NEK1: variants seen among roughly 807,000 people sequenced by gnomAD.
The protein encoded by NEK1 is serine/threonine-protein kinase Nek1.
Under a neutral mutation model 182.1 loss-of-function variants are expected in NEK1, and 137 were observed. The ratio of observed to expected loss-of-function variants is 0.75; its 90% CI spans 0.65 to 0.87. The LOEUF is 0.87. Among genes scored for constraint, NEK1 ranks in the 40% least tolerant of loss-of-function variants. The pLI is 0.00. For synonymous variants in NEK1, 513 were observed against 492.2 expected, an observed-to-expected ratio of 1.04 and a Z score of -0.56; for missense variants, 1,391 against 1,494.4, an observed-to-expected ratio of 0.93 and a Z score of 1.14.
intron 23 of NEK1, among the ~76,000 whole-genome samples, chr4:169,482,437 T>A (rs1343217686): frequency 6.6e-6 from 1 of 151,884 alleles, no homozygotes; most frequent in East Asian, 1.9e-4. Flanking sequence ...GGACTATAGG[T>A]GTGTGCCACC....
At position 169,463,386 on chromosome 4, in the gene NEK1, A is replaced by C; in HGVS notation, c.2444T>G (p.Val815Gly). The change falls in exon 27 of 36, where the codon GTG becomes GGG. Residue 815 changes from valine (V) to glycine (G), a missense_variant. Around this residue, in one of 5 missense-constraint regions of NEK1, gnomAD observed 1,216 missense variants for 1,277.6 expected, o/e 0.95. Coordinates refer to ENST00000507142, the MANE Select transcript of NEK1 (RefSeq NM_001199397.3). ...TSFSTTERHTVGEVIKLGPNG... is the reference protein window; with the variant it reads ...TSFSTTERHTGGEVIKLGPNG... Reference sequence around the variant, plus strand: ...AGGACCTAATTTAATAACTTCTCCCACTGTATGTCCTATAAGAAAAATATA... The same window carrying C: ...AGGACCTAATTTAATAACTTCTCCCCCTGTATGTCCTATAAGAAAAATATA... 1 of 1,601,910 alleles carries C rather than the reference A, an allele frequency of 6.2e-7. No individual in the cohort carries two copies. The highest frequency in any genetic ancestry group is 8.5e-7 in the Non-Finnish European group (1 of 1,172,886).
intron 29 of NEK1, among the ~76,000 whole-genome samples, chr4:169,431,794 A>G (rs1342440053): frequency 6.6e-6 from 1 of 151,906 alleles, no homozygotes; most frequent in Non-Finnish European, 1.5e-5. Context: ...AAGAAAAAAA[A>G]TACTAGAAAA....
intron 18 of NEK1, among the ~76,000 whole-genome samples, chr4:169,544,419 T>G (rs1250196958): frequency 1.3e-5 from 2 of 152,156 alleles, no homozygotes; most frequent in African/African-American, 4.8e-5. Context: ...GATATTGGTC[T>G]AAAATTCTCT....
chr4:169,515,089 GGTTT>G (rs1754923041), intron 19 of NEK1, among the ~76,000 whole-genome samples: 1 of 151,852 alleles, frequency 6.6e-6, no homozygotes. Flanking sequence ...TTTGACCCAT[GGTTT>G]ATTTAAAAGT....
At chr4:169,464,398 G>A (rs1415853070) in intron 26 of NEK1, among the ~76,000 whole-genome samples, 1 of 152,152 alleles carries the variant, frequency 6.6e-6, no homozygotes, top group African/African-American at 2.4e-5. Context: ...ATCAGAAAGG[G>A]ATCTGAAGGG....
At chr4:169,402,124 C>T (rs548082123) in intron 32 of NEK1, among the ~76,000 whole-genome samples, 1 of 152,240 alleles carries the variant, frequency 6.6e-6, no homozygotes, top group Non-Finnish European at 1.5e-5. Flanking sequence ...TTAAAATGAT[C>T]CCAACTTGCC....
chr4:169,424,580 A>C lies in NEK1; in HGVS notation c.3195T>G (p.Thr1065=), dbSNP rs1736042106. 1 of 1,608,936 alleles carries C rather than the reference A, an allele frequency of 6.2e-7. No homozygotes were observed. The highest frequency in any genetic ancestry group is 1.7e-5 in the Admixed American group (1 of 59,882). The change falls in exon 31 of 36, where the codon ACT becomes ACG. Residue 1065 remains threonine, a synonymous_variant. Transcript: ENST00000507142. ...TTGGGTTGTTTGCATCAAACAGACC[A>C]GTTGAAAGTCCAATCAGCAAGGAAT... The part of the protein sequence containing the change: ...NKNSLLIGLS[T]GLFDANNPKM...
chr4:169,436,520 T>C (rs1257917252), intron 28 of NEK1, among the ~76,000 whole-genome samples: 1 of 152,206 alleles, frequency 6.6e-6, no homozygotes, highest in Non-Finnish European at 1.5e-5. Flanking sequence ...TAAGGAATTA[T>C]CAAAGCAGAA....
chr4:169,447,251 A>C (rs1392976898), intron 27 of NEK1, among the ~76,000 whole-genome samples: 2 of 152,156 alleles, frequency 1.3e-5, no homozygotes, highest in Non-Finnish European at 2.9e-5. Context: ...GGAGAGAGTG[A>C]CAGGACATAT....
chr4:169,462,341 T>C (rs1744122772), intron 27 of NEK1, among the ~76,000 whole-genome samples: 1 of 152,158 alleles, frequency 6.6e-6, no homozygotes, highest in African/African-American at 2.4e-5. Context: ...TATATGAGAA[T>C]GTGAACAAAT....
At chr4:169,608,116 T>TACACAC (rs57287742) in intron 2 of NEK1, among the ~76,000 whole-genome samples, 2,354 of 148,084 alleles carry the variant, frequency 0.016, 48 homozygotes, top group South Asian at 0.067. Context: ...CACACACACA[T>TACACAC]ACACACACAC....
intron 26 of NEK1, among the ~76,000 whole-genome samples, chr4:169,467,405 T>C (rs1745129636): frequency 6.6e-6 from 1 of 152,078 alleles, no homozygotes; most frequent in African/African-American, 2.4e-5. Flanking sequence ...TGTGCTAAGT[T>C]AATACACTGT....
intron 18 of NEK1, among the ~76,000 whole-genome samples, chr4:169,546,207 G>T (rs577164111): frequency 2.6e-5 from 4 of 152,294 alleles, no homozygotes; most frequent in South Asian, 4.1e-4. Context: ...TGGTTTCAAA[G>T]AATTTATTTA....
In NEK1 at chr4:169,479,448, C is replaced by T. The variant is rs776493440; in HGVS notation, c.2094G>A (p.Met698Ile). 1.9e-6 allele frequency: 3 copies of T among 1,611,732 alleles called. No homozygotes were observed. Among genetic ancestry groups the T allele is most frequent in the Non-Finnish European group, 1.7e-6 (2 of 1,178,578 alleles). ...ETGGSPSKQQ[M>I]RSVISVTSAL... Reference sequence around the variant, plus strand: ...CTGAAGTTACAGAAATAACAGATCTCATCTGTTGCTTTGATGGAGAGCCAC... The same window carrying T: ...CTGAAGTTACAGAAATAACAGATCTTATCTGTTGCTTTGATGGAGAGCCAC... The change falls in exon 24 of 36, where the codon ATG becomes ATA. Residue 698 changes from methionine (M) to isoleucine (I), a missense_variant. Around this residue, in one of 5 missense-constraint regions of NEK1, gnomAD observed 1,216 missense variants for 1,277.6 expected, o/e 0.95. Transcript: ENST00000507142.
chr4:169,430,549 G>A (rs1737233626), intron 29 of NEK1, among the ~76,000 whole-genome samples: 1 of 152,142 alleles, frequency 6.6e-6, no homozygotes, highest in Admixed American at 6.6e-5. Context: ...TCTGGAAAAG[G>A]CAAAACTATG....
chr4:169,463,270 G>A lies in NEK1; in HGVS notation c.2560C>T (p.Leu854=). Residue 854 remains leucine, a synonymous_variant, in exon 27 of 36, where the codon CTA becomes TTA. Coordinates refer to ENST00000507142, the MANE Select transcript of NEK1 (RefSeq NM_001199397.3). ...GEAELQLQTE[L]LENTTIRSEI... ...CTTCTAATAGTTGTATTTTCTAATA[G>A]TTCTGTCTGAAGTTGTAGTTCAGCT... 1 of 1,584,160 alleles carries A rather than the reference G, an allele frequency of 6.3e-7. No homozygotes were observed. Among genetic ancestry groups the A allele is most frequent in the Non-Finnish European group, 8.6e-7 (1 of 1,165,210 alleles).
At chr4:169,422,608 G>A (rs571954862) in intron 31 of NEK1, among the ~76,000 whole-genome samples, 3 of 152,228 alleles carry the variant, frequency 2.0e-5, no homozygotes, top group East Asian at 3.9e-4. Flanking sequence ...TTTATAGAAC[G>A]GGCAGGGATG....
chr4:169,485,408 A>T (rs1748858444), intron 23 of NEK1, among the ~76,000 whole-genome samples: 1 of 152,080 alleles, frequency 6.6e-6, no homozygotes, highest in Non-Finnish European at 1.5e-5. Context: ...ACTTATTAGT[A>T]CAGTTGAATT....
intron 5 of NEK1, among the ~76,000 whole-genome samples, chr4:169,594,784 G>A (rs1769152998): frequency 6.6e-6 from 1 of 152,156 alleles, no homozygotes; most frequent in Non-Finnish European, 1.5e-5. Context: ...TCTTTCCTAG[G>A]TTAAGTCTGT....
Sources: allele counts gnomAD v4.1 joint callset (sites outside exome capture counted in the v4.1 genomes callset), GRCh38; gene constraint gnomAD v4.1.1; regional missense constraint gnomAD v4.1.1; transcripts MANE v1.5; gene names NCBI Gene and HGNC (gene_info 2026-07-23, HGNC 2026-07-21).